Variants in CROCC2 observed in about 807,000 individuals in gnomAD.
CROCC2 encodes ciliary rootlet coiled-coil protein 2.
A neutral mutation model predicts 177.6 loss-of-function variants in CROCC2; 163 were observed. The observed-to-expected ratio is 0.92, with a 90% CI of 0.81 to 1.05. CROCC2 has a LOEUF of 1.05. Among genes scored for constraint, CROCC2 ranks in the 50% least tolerant of loss-of-function variants. CROCC2 has a pLI of 0.00. For synonymous variants in CROCC2, 904 were observed against 787.3 expected (o/e 1.15, Z -2.48); for missense variants, 1,929 against 1,797.8 (o/e 1.07, Z -1.32).
intron 18 of CROCC2, 125 bp downstream of exon 18, chr2:240,950,635 C>G (rs1242650639): frequency 1.1e-6 from 1 of 903,696 alleles, no homozygotes. Flanking sequence ...ACCCATCCAT[C>G]CATCCATCCA....
At chr2:240,911,622 G>C (rs969586026) in intron 1 of CROCC2, among the ~76,000 whole-genome samples, 2 of 151,934 alleles carry the variant, frequency 1.3e-5, no homozygotes, top group African/African-American at 4.8e-5. Context: ...TTCCCAAACT[G>C]AGACTCTGCC....
At position 240,941,863 on chromosome 2, in the gene CROCC2, G is replaced by A. The variant is rs74543273; in HGVS notation, c.2170-4197G>A. Among the ~76,000 whole-genome samples the A allele has an allele frequency of 3.1e-3, 468 of 152,268 alleles. 16 individuals are homozygous for A. The East Asian group carries it at 0.075, about 24-fold the overall frequency. ...ATGGGACCTTTAAGAGGTGATTTAG[G>A]CCATAAGGGTTCCACCCTCATCAGC... On this transcript the variant is annotated intron_variant, in intron 14 of 31. Coordinates refer to ENST00000690015, the MANE Select transcript of CROCC2 (RefSeq NM_001351305.2).
intron 2 of CROCC2, 137 bp from the exon 3 acceptor site, chr2:240,919,846 C>T (rs1314032087): frequency 3.5e-6 from 2 of 572,604 alleles, no homozygotes; most frequent in South Asian, 2.0e-5. Context: ...GATCTGGGAC[C>T]CCTCCCAGGA....
Position 240,958,477 on chromosome 2 carries a change from C to A in CROCC2, c.2944-824C>A. The A allele has an allele frequency of 1.4e-6, 1 of 698,022 alleles. No homozygotes were observed. The allele number at this position is 698,022 out of a possible 1,614,324, so 43.2% of individuals were successfully genotyped here. A position where few individuals can be genotyped will look rare whatever the true frequency, so the allele number is the denominator to read the frequency against. On this transcript the variant is annotated intron_variant, in intron 19 of 31. Coordinates refer to ENST00000690015, the MANE Select transcript of CROCC2 (RefSeq NM_001351305.2). The surrounding 1 kb of genome is among the most constrained non-coding windows in gnomAD (Gnocchi z 6.7). ...CCCACCCTAGCAGAATCCAGGTGGACAGGAGGGGCTCCAGAGATCTGGCAC... is the reference window on the plus strand; with the variant it reads ...CCCACCCTAGCAGAATCCAGGTGGAAAGGAGGGGCTCCAGAGATCTGGCAC...
chr2:240,963,525 C>G, intron 20 of CROCC2, 31 bp from the exon 21 acceptor site: 1 of 1,482,678 alleles, frequency 6.7e-7, no homozygotes, highest in Non-Finnish European at 9.0e-7. Flanking sequence ...TGGTCCCCAG[C>G]GGGCCTCTAG....
chr2:240,949,088 G>T lies in CROCC2; in HGVS notation c.2473G>T (p.Ala825Ser). ...CCGGAGCGCAGGACTCGCGCGGCAG[G>T]CCTTGCAAGGTGCTCCAAGGGCGCT... is the stretch of plus-strand genomic sequence containing the variant. ...EARSAGLARQ[A>S]LQVEMEQLQS... The change falls in exon 16 of 32, where the codon GCC becomes TCC. Residue 825 changes from alanine to serine, a missense_variant. Transcript: ENST00000690015. This position sits in a 1 kb window ranked among gnomAD's most constrained non-coding sequence, Gnocchi z 4.5. 1 of 1,540,762 alleles carries T rather than the reference G, an allele frequency of 6.5e-7. No homozygotes were observed. Among genetic ancestry groups the T allele is most frequent in the African/African-American group, 1.4e-5 (1 of 72,630 alleles).
chr2:240,920,171 T>C, intron 3 of CROCC2, 37 bp downstream of exon 3: 1 of 617,968 alleles, frequency 1.6e-6, no homozygotes. Context: ...AGGCGGGAGG[T>C]GGCAGCCTGG....
chr2:240,915,667 A>C (rs2059315184), intron 1 of CROCC2, among the ~76,000 whole-genome samples: 1 of 152,124 alleles, frequency 6.6e-6, no homozygotes, highest in East Asian at 1.9e-4. Flanking sequence ...GTCCCTCTCC[A>C]CACAACCAAA....
rs770551553 is a variant in CROCC2 at position 240,930,193 on chromosome 2, C to T, written c.673C>T (p.Arg225Trp). The part of the protein sequence containing the change: ...QTRSGGLGQP[R>W]DLLLLWRQAV... ...CCGGTCAGGGGGCCTGGGGCAGCCCCGGGACCTCCTCCTCCTGTGGAGACA... is the reference window on the plus strand; with the variant it reads ...CCGGTCAGGGGGCCTGGGGCAGCCCTGGGACCTCCTCCTCCTGTGGAGACA... The change falls in exon 6 of 32, where the codon CGG (arginine) becomes TGG (tryptophan). Residue 225 changes from arginine to tryptophan, a missense_variant. Arg to Trp is a moderately radical substitution (Grantham distance 101). Transcript: ENST00000690015. The T allele has an allele frequency of 4.1e-5, 24 of 583,474 alleles. No individual in the cohort carries two copies. Among genetic ancestry groups the T allele is most frequent in the East Asian group, 6.1e-5 (2 of 32,948 alleles). 36.1% of individuals were successfully genotyped at this position (583,474 alleles called of 1,614,324 possible). A position where few individuals can be genotyped will look rare whatever the true frequency, so the allele number is the denominator to read the frequency against.
chr2:240,976,588 T>C (rs9751621), intron 27 of CROCC2, among the ~76,000 whole-genome samples: 176 of 44,484 alleles, frequency 4.0e-3, no homozygotes, highest in Admixed American at 7.8e-3. Flanking sequence ...ATCCCAGGCT[T>C]ATCCCTGCTC....
intron 3 of CROCC2, among the ~76,000 whole-genome samples, chr2:240,922,293 C>T (rs946512306): frequency 2.0e-5 from 3 of 152,150 alleles, no homozygotes; most frequent in African/African-American, 7.2e-5. Flanking sequence ...ATCAGTGCAA[C>T]CCAGCATGCC....
chr2:240,975,854 C>G (rs775897845), intron 27 of CROCC2, among the ~76,000 whole-genome samples: 3 of 151,524 alleles, frequency 2.0e-5, no homozygotes, highest in Non-Finnish European at 2.9e-5. Flanking sequence ...CTCAGCCTCC[C>G]AAGTAGCTGA....
Position 240,959,358 on chromosome 2 carries a change from G to A in CROCC2, c.3001G>A (p.Ala1001Thr), listed in dbSNP as rs1323229341. The stretch of plus-strand genomic sequence containing the variant: ...GGCCCTCCAGGCCCAGTTTGAGGAT[G>A]CCATCACAGCCCATCAGAGGGAGAC... Reference protein sequence around the residue: ...LKALQAQFEDAITAHQRETTA... With the variant: ...LKALQAQFEDTITAHQRETTA... The change falls in exon 20 of 32, where the codon GCC becomes ACC. Residue 1001 changes from alanine (A) to threonine (T), a missense_variant. Physicochemically the swap from Ala to Thr is moderately conservative, Grantham distance 58 (BLOSUM62 0). Transcript: ENST00000690015. The A allele has an allele frequency of 6.4e-7, 1 of 1,550,524 alleles. No individual in the cohort carries two copies. Among genetic ancestry groups the A allele is most frequent in the Non-Finnish European group, 8.7e-7 (1 of 1,146,996 alleles).
rs2059338711 is a variant in CROCC2, at chr2:240,918,981, C to T, written c.229+105C>T. 3 of 645,330 alleles carry T rather than the reference C, an allele frequency of 4.6e-6. No individual in the cohort carries two copies. The East Asian group carries it at 9.1e-5, about 20-fold the overall frequency. 40.0% of individuals were successfully genotyped at this position (645,330 alleles called of 1,614,324 possible). A position where few individuals can be genotyped will look rare whatever the true frequency, so the allele number is the denominator to read the frequency against. On this transcript the variant is annotated intron_variant, in intron 2 of 31. Transcript: ENST00000690015. This position sits in a 1 kb window ranked among gnomAD's most constrained non-coding sequence, Gnocchi z 6.3. ...CCAAGGTGACGGCGTGGGGGACAGT[C>T]CTGGGCTCGCGGCTGGCCAAGGTGA...
chr2:240,929,759 G>A (rs1217909211), intron 5 of CROCC2: 1 of 468,356 alleles, frequency 2.1e-6, no homozygotes, highest in Non-Finnish European at 4.2e-6. Context: ...TGGCAGGGCA[G>A]GAGCCCTGTG....
At chr2:240,931,473 A>G (rs2059430701) in intron 7 of CROCC2, among the ~76,000 whole-genome samples, 1 of 152,156 alleles carries the variant, frequency 6.6e-6, no homozygotes, top group Admixed American at 6.5e-5. Flanking sequence ...CCTTAGGTAA[A>G]TCATATAAAA....
At chr2:240,959,694 G>A (rs12468628) in intron 20 of CROCC2, 160,310 of 402,672 alleles carry the variant, frequency 0.4, 33,744 homozygotes, top group Admixed American at 0.45. Flanking sequence ...CCAGGCCATT[G>A]GCTAAGGGAA....
chr2:240,923,493 C>CACATTAACCCAGCCCCCA (rs1559591371), intron 4 of CROCC2, among the ~76,000 whole-genome samples: 4 of 107,546 alleles, frequency 3.7e-5, no homozygotes, highest in Admixed American at 9.7e-5. Context: ...ACCCAGCCCC[C>CACATTAACCCAGCCCCCA]ACACTAACCC....
intron 22 of CROCC2, among the ~76,000 whole-genome samples, chr2:240,964,969 G>A (rs2059669791): frequency 6.6e-6 from 1 of 152,134 alleles, no homozygotes; most frequent in South Asian, 2.1e-4. Context: ...GTGGCGCTCG[G>A]GAACTCAGGC....
Sources: gnomAD v4.1 joint callset for allele counts (sites outside exome capture counted in the v4.1 genomes callset) on GRCh38, gnomAD v4.1.1 for gene constraint, Gnocchi (gnomAD v3.1) non-coding constraint, MANE v1.5 for transcripts, NCBI Gene and HGNC (gene_info 2026-07-23, HGNC 2026-07-21) for gene names.